Variants in MYBPC3 observed in about 807,000 individuals in gnomAD.
MYBPC3 encodes the protein myosin binding protein C3, also known as myosin-binding protein C, cardiac-type.
In MYBPC3, 108 loss-of-function variants were observed where a neutral mutation model predicts 159.3. That is an observed-to-expected ratio of 0.68 (90% CI 0.58 to 0.80). The LOEUF (loss-of-function observed/expected upper bound fraction) is 0.80, where lower values mean the gene tolerates loss of function less well. Among genes scored for constraint, MYBPC3 ranks in the 30% least tolerant of loss-of-function variants. MYBPC3 has a pLI of 0.00. For missense variants in MYBPC3, 1,631 were observed against 1,762.1 expected (o/e 0.93, Z 1.33); for synonymous variants, 730 against 702.0 (o/e 1.04, Z -0.63).
At position 47,342,876 on chromosome 11, in the gene MYBPC3, C is replaced by T. The variant is rs1378189986; in HGVS notation, c.1411G>A (p.Val471Met). ...EDQLVMVGQR[V>M]EFECEVSEEG... ...TCCGATACTTCACACTCAAACTCCACCCGCTGCCCCACCATCACCAGCTGG... is the reference window on the plus strand; with the variant it reads ...TCCGATACTTCACACTCAAACTCCATCCGCTGCCCCACCATCACCAGCTGG... The change falls in exon 16 of 35, where the codon GTG becomes ATG. Residue 471 changes from valine to methionine, a missense_variant. Coordinates refer to ENST00000545968, the MANE Select transcript of MYBPC3 (RefSeq NM_000256.3). The T allele has an allele frequency of 1.9e-6, 3 of 1,613,192 alleles. No homozygotes were observed. Among genetic ancestry groups the T allele is most frequent in the Non-Finnish European group, 2.5e-6 (3 of 1,179,518 alleles).
At chr11:47,336,253 C>T (rs959720531) in intron 25 of MYBPC3, 12 of 301,118 alleles carry the variant, frequency 4.0e-5, no homozygotes, top group Admixed American at 3.1e-4. Flanking sequence ...TTTGGGAGGC[C>T]GAGGTGGGAG....
chr11:47,333,035 C>G, intron 30 of MYBPC3, 62 bp from the exon 31 acceptor site: 1 of 1,556,880 alleles, frequency 6.4e-7, no homozygotes. Flanking sequence ...CCGAGAGCCT[C>G]TCCTGGGTGC....
chr11:47,333,075 G>A lies in MYBPC3; in HGVS notation c.3331-102C>T, dbSNP rs1206917266. ...GGCATCTCCACCCCTACTATGGAGG[G>A]ATTCAGATCAGCAGAGGGAGGGTGA... On this transcript the variant is annotated intron_variant, in intron 30 of 34. Coordinates refer to ENST00000545968, the MANE Select transcript of MYBPC3 (RefSeq NM_000256.3). 3.9e-6 allele frequency: 6 copies of A among 1,523,334 alleles called. No homozygotes were observed. The Middle Eastern group carries it at 5.4e-4, about 136-fold the overall frequency. 94.4% of individuals were successfully genotyped at this position (1,523,334 alleles called of 1,614,324 possible). A position where few individuals can be genotyped will look rare whatever the true frequency, so the allele number is the denominator to read the frequency against.
chr11:47,351,229 A>G lies in MYBPC3; in HGVS notation c.292+10T>C. 1 of 1,513,982 alleles carries G rather than the reference A, an allele frequency of 6.6e-7. No individual in the cohort carries two copies. 93.8% of individuals were successfully genotyped at this position (1,513,982 alleles called of 1,614,324 possible). On this transcript the variant is annotated intron_variant, in intron 2 of 34. Transcript: ENST00000545968. This position sits in a 1 kb window ranked among gnomAD's most constrained non-coding sequence, Gnocchi z 4.2. ...GCCCAAACCTCAGGGAAGGCTGATC[A>G]GGATCTTACCTGCCTCTATGACCTT... is the stretch of plus-strand genomic sequence containing the variant.
At chr11:47,350,363 G>C in intron 3 of MYBPC3, 139 bp downstream of exon 3, 1 of 1,400,784 alleles carries the variant, frequency 7.1e-7, no homozygotes, top group South Asian at 1.3e-5. Context: ...CTGACCTCAT[G>C]ATCCGCCCAC....
intron 13 of MYBPC3, 40 bp downstream of exon 13, chr11:47,343,452 C>A: frequency 6.5e-7 from 1 of 1,547,912 alleles, no homozygotes; most frequent in South Asian, 1.2e-5. Flanking sequence ...ATGGGGGTCC[C>A]CACCTCCACC....
chr11:47,344,815 G>A (rs1418801687), intron 12 of MYBPC3, among the ~76,000 whole-genome samples: 1 of 152,144 alleles, frequency 6.6e-6, no homozygotes, highest in Non-Finnish European at 1.5e-5. Context: ...TTTTGAGATG[G>A]AGTCTCATTC....
In MYBPC3 at chr11:47,351,404, G is replaced by C; in HGVS notation, c.127C>G (p.Gln43Glu). 1.2e-6 allele frequency: 2 copies of C among 1,609,862 alleles called. No individual in the cohort carries two copies. The highest frequency in any genetic ancestry group is 1.7e-6 in the Non-Finnish European group (2 of 1,178,720). ...GCGCTGATGTCACTGCCTCCGCGCT[G>C]CCAGCGCACCTTCACTCCTGCCCGC... ...TERAGVKVRWQRGGSDISASN... is the reference protein window; with the variant it reads ...TERAGVKVRWERGGSDISASN... The change falls in exon 2 of 35, where the codon CAG (glutamine) becomes GAG (glutamate). Residue 43 changes from glutamine (Q) to glutamate (E), a missense_variant. Physicochemically the swap from Gln to Glu is conservative, Grantham distance 29. Coordinates refer to ENST00000545968, the MANE Select transcript of MYBPC3 (RefSeq NM_000256.3). The surrounding 1 kb of genome is among the most constrained non-coding windows in gnomAD (Gnocchi z 4.2).
rs758951268 is a variant in MYBPC3 at position 47,340,983 on chromosome 11, T to C, written c.1927+20A>G. ...GCGGGAAAGTGAGCAGAACCAAGAC[T>C]CAGGGGCCCCAAGACTTACCCTGCC... is the stretch of plus-strand genomic sequence containing the variant. On this transcript the variant is annotated intron_variant, in intron 20 of 34. Coordinates refer to ENST00000545968, the MANE Select transcript of MYBPC3 (RefSeq NM_000256.3). 1 of 1,550,444 alleles carries C rather than the reference T, an allele frequency of 6.4e-7. No homozygotes were observed. Among genetic ancestry groups the C allele is most frequent in the Non-Finnish European group, 8.7e-7 (1 of 1,149,504 alleles).
chr11:47,334,047 C>T (rs1361117075), intron 27 of MYBPC3, 37 bp from the exon 28 acceptor site: 3 of 1,540,472 alleles, frequency 1.9e-6, no homozygotes, highest in Non-Finnish European at 1.8e-6. Context: ...TGAGGGCCCG[C>T]CACAGCTCTG....
Position 47,346,177 on chromosome 11 carries a change from C to T in MYBPC3, c.1090+30G>A, listed in dbSNP as rs746485596. 2 of 1,612,690 alleles carry T rather than the reference C, an allele frequency of 1.2e-6. No individual in the cohort carries two copies. The highest frequency in any genetic ancestry group is 2.2e-5 in the South Asian group (2 of 90,868). On this transcript the variant is annotated intron_variant, in intron 12 of 34. Transcript: ENST00000545968. The surrounding 1 kb of genome is among the most constrained non-coding windows in gnomAD (Gnocchi z 5.3). ...GTGTAGGGAAGGGCTAGCCTGTGCC[C>T]TCTCCTCTCCCCTCTGAGGAAGGGC...
intron 25 of MYBPC3, among the ~76,000 whole-genome samples, chr11:47,337,163 G>C (rs1336269008): frequency 6.6e-6 from 1 of 152,204 alleles, no homozygotes; most frequent in East Asian, 1.9e-4. Flanking sequence ...GGTCGGCGTA[G>C]TGTGAGAGTC....
In MYBPC3 at chr11:47,338,648, A is replaced by T; in HGVS notation, c.2180T>A (p.Val727Glu). 1 of 1,613,724 alleles carries T rather than the reference A, an allele frequency of 6.2e-7. No homozygotes were observed. Among genetic ancestry groups the T allele is most frequent in the Non-Finnish European group, 8.5e-7 (1 of 1,179,798 alleles). Residue 727 changes from valine (V) to glutamate (E), a missense_variant, in exon 23 of 35, where the codon GTG becomes GAG. By Grantham distance (121) the Val-to-Glu change is moderately radical. Coordinates refer to ENST00000545968, the MANE Select transcript of MYBPC3 (RefSeq NM_000256.3). This position sits in a 1 kb window ranked among gnomAD's most constrained non-coding sequence, Gnocchi z 4.7. ...LLCETEGRVR[V>E]ETTKDRSIFT... ...GATGCTGCGGTCCTTGGTGGTCTCC[A>T]CGCGGACCCGGCCCTCGGTCTCACA...
In MYBPC3 at chr11:47,343,054, C is replaced by T; in HGVS notation, c.1318G>A (p.Gly440Ser). ...DDAAYQCVVG[G>S]EKCSTELFVK... is the part of the protein sequence containing the mutation. Reference sequence around the variant, plus strand: ...AAGAGCTCCGTGCTACACTTCTCGCCACCCACCACGCACTGGTAGGCTGCG... The same window carrying T: ...AAGAGCTCCGTGCTACACTTCTCGCTACCCACCACGCACTGGTAGGCTGCG... The change falls in exon 15 of 35, where the codon GGC (glycine) becomes AGC (serine). Residue 440 changes from glycine to serine, a missense_variant. By Grantham distance (56) the Gly-to-Ser change is moderately conservative (BLOSUM62 0). Transcript: ENST00000545968. The T allele has an allele frequency of 6.2e-7, 1 of 1,613,218 alleles. No homozygotes were observed. Among genetic ancestry groups the T allele is most frequent in the Non-Finnish European group, 8.5e-7 (1 of 1,179,662 alleles).
rs1331702727 is a variant in MYBPC3, at chr11:47,332,973, C to T, written c.3331G>A (p.Glu1111Lys). 8 of 1,608,360 alleles carry T rather than the reference C, an allele frequency of 5.0e-6. No individual in the cohort carries two copies. The highest frequency in any genetic ancestry group is 4.0e-5 in the African/African-American group (3 of 74,854). Residue 1111 changes from glutamate to lysine, a missense_variant and splice_region_variant, in exon 31 of 35, where the codon GAG becomes AAG. Coordinates refer to ENST00000545968, the MANE Select transcript of MYBPC3 (RefSeq NM_000256.3). The surrounding 1 kb of genome is among the most constrained non-coding windows in gnomAD (Gnocchi z 4.2). ...TAATGCTCCAAGACGGTGAACCACTCCTGGGGGCAGGGAGGGAGGGGAGGC... is the reference window on the plus strand; with the variant it reads ...TAATGCTCCAAGACGGTGAACCACTTCTGGGGGCAGGGAGGGAGGGGAGGC... ...TVQKADKKTM[E>K]WFTVLEHYRR...
rs1175333522 is a variant in MYBPC3 at position 47,351,666 on chromosome 11, AGAG to A, written c.26-164_26-162del. Among the ~76,000 whole-genome samples, 1 of 152,158 alleles carries A rather than the reference AGAG, an allele frequency of 6.6e-6. No homozygotes were observed. Among genetic ancestry groups the A allele is most frequent in the African/African-American group, 2.4e-5 (1 of 41,422 alleles). Reference sequence around the variant, plus strand: ...GTTGCAGTTATTCTGTTCATTTCTCAGAGGAGGACACTGAGGCTCAGAGAAGCT... The same window carrying A: ...GTTGCAGTTATTCTGTTCATTTCTCAGAGGACACTGAGGCTCAGAGAAGCT... On this transcript the variant is annotated intron_variant, in intron 1 of 34. Coordinates refer to ENST00000545968, the MANE Select transcript of MYBPC3 (RefSeq NM_000256.3). The surrounding 1 kb of genome is among the most constrained non-coding windows in gnomAD (Gnocchi z 4.2).
Position 47,333,175 on chromosome 11 carries a change from C to T in MYBPC3, c.3330+19G>A, listed in dbSNP as rs1401434819. The T allele has an allele frequency of 1.3e-6, 2 of 1,599,338 alleles. No individual in the cohort carries two copies. The highest frequency in any genetic ancestry group is 1.7e-5 in the Admixed American group (1 of 58,346). On this transcript the variant is annotated intron_variant, in intron 30 of 34. Transcript: ENST00000545968. ...GGCCTAGGCAGGGTGCACGTGGGGA[C>T]CCCAGACCCTGGGCTCACCATGGTC...
intron 17 of MYBPC3, 136 bp from the exon 18 acceptor site, chr11:47,342,292 C>G (rs1031602918): frequency 7.7e-6 from 9 of 1,171,162 alleles, no homozygotes; most frequent in African/African-American, 1.5e-5. Flanking sequence ...ACACGTGTGC[C>G]TGTGTGTGCC....
intron 26 of MYBPC3, 48 bp downstream of exon 26, chr11:47,335,829 G>A: frequency 1.5e-6 from 2 of 1,353,394 alleles, no homozygotes; most frequent in South Asian, 1.8e-5. Context: ...ATGGCAAGGT[G>A]AGCATGTTCT....
Sources: allele counts gnomAD v4.1 joint callset (sites outside exome capture counted in the v4.1 genomes callset), GRCh38; gene constraint gnomAD v4.1.1; non-coding constraint Gnocchi (gnomAD v3.1); transcripts MANE v1.5; gene names NCBI Gene and HGNC (gene_info 2026-07-23, HGNC 2026-07-21).